PCDHA7: variants seen among roughly 807,000 people sequenced by gnomAD.
PCDHA7 encodes protocadherin alpha-7.
Under a neutral mutation model 57.2 loss-of-function variants are expected in PCDHA7, and 37 were observed. The ratio of observed to expected loss-of-function variants is 0.65; its 90% CI spans 0.50 to 0.85. PCDHA7 has a LOEUF of 0.85. Among genes scored for constraint, PCDHA7 ranks in the 40% least tolerant of loss-of-function variants. The probability of loss-of-function intolerance (pLI) is 0.00; values close to 1 mark genes in which losing one functional copy is unlikely to be tolerated. For missense variants in PCDHA7, 1,188 were observed against 1,241.8 expected (o/e 0.96, Z 0.65); for synonymous variants, 553 against 558.8 (o/e 0.99, Z 0.15).
intron 1 of PCDHA7, chr5:140,858,129 T>A (rs1258479453): frequency 6.3e-7 from 1 of 1,597,464 alleles, no homozygotes; most frequent in Non-Finnish European, 8.6e-7. Context: ...CTGGTGGATG[T>A]CAACGTGTAC....
intron 1 of PCDHA7, chr5:140,968,375 T>G: frequency 6.2e-7 from 1 of 1,614,098 alleles, no homozygotes; most frequent in Non-Finnish European, 8.5e-7. Context: ...TGTCAACTCC[T>G]TTGACTATGA....
intron 1 of PCDHA7, among the ~76,000 whole-genome samples, chr5:140,922,711 A>G (rs2080951866): frequency 6.6e-6 from 1 of 152,270 alleles, no homozygotes; most frequent in Non-Finnish European, 1.5e-5. Flanking sequence ...GTCAAGAACA[A>G]AAAGAAACAC....
chr5:140,850,555 C>T (rs1562471328), intron 1 of PCDHA7: 2 of 1,598,250 alleles, frequency 1.3e-6, no homozygotes, highest in South Asian at 1.1e-5. Context: ...GTGGGTGCCA[C>T]GGGCCCCGAG....
At chr5:140,963,424 G>A (rs898407658) in intron 1 of PCDHA7, among the ~76,000 whole-genome samples, 7 of 152,194 alleles carry the variant, frequency 4.6e-5, no homozygotes, top group Non-Finnish European at 1.0e-4. Flanking sequence ...GCATGTTTAG[G>A]AACTAACTTC....
At chr5:140,898,003 G>A (rs2066458535) in intron 1 of PCDHA7, among the ~76,000 whole-genome samples, 1 of 152,152 alleles carries the variant, frequency 6.6e-6, no homozygotes, top group Non-Finnish European at 1.5e-5. Context: ...AGAAGTGTCT[G>A]TTCATATCCT....
chr5:140,879,468 C>T (rs1302590030), intron 1 of PCDHA7, among the ~76,000 whole-genome samples: 2 of 152,006 alleles, frequency 1.3e-5, no homozygotes, highest in African/African-American at 4.8e-5. Context: ...AAGAGAATAC[C>T]GTTGTGATTG....
intron 1 of PCDHA7, among the ~76,000 whole-genome samples, chr5:140,977,234 A>G (rs2096751203): frequency 1.3e-5 from 2 of 152,242 alleles, no homozygotes; most frequent in Non-Finnish European, 2.9e-5. Flanking sequence ...CCAATCATAG[A>G]AAAATTGGCA....
At chr5:140,870,837 G>A (rs782610375) in intron 1 of PCDHA7, 9 of 1,613,702 alleles carry the variant, frequency 5.6e-6, no homozygotes, top group African/African-American at 1.3e-5. Flanking sequence ...CAGTTAACAA[G>A]CTAGTACCGC....
chr5:140,978,789 A>G (rs2153817382), intron 1 of PCDHA7, 160 bp from the exon 2 acceptor site: 22 of 974,564 alleles, frequency 2.3e-5, no homozygotes, highest in Non-Finnish European at 2.6e-5. Flanking sequence ...CTAAAGTGCT[A>G]TATATGTAGA....
chr5:140,927,245 A>G (rs1197319664), intron 1 of PCDHA7: 6 of 1,613,948 alleles, frequency 3.7e-6, no homozygotes, highest in South Asian at 2.2e-5. Flanking sequence ...CTGGACACCA[A>G]TGACAACTCA....
At chr5:140,882,114 C>T (rs1464753090) in intron 1 of PCDHA7, 25 of 1,406,582 alleles carry the variant, frequency 1.8e-5, no homozygotes, top group Non-Finnish European at 2.2e-5. Flanking sequence ...AAGAAAGCCG[C>T]CGTTTCTTTC....
intron 1 of PCDHA7, among the ~76,000 whole-genome samples, chr5:140,872,278 AAAGTT>A (rs2053578296): frequency 6.6e-6 from 1 of 152,138 alleles, no homozygotes; most frequent in Non-Finnish European, 1.5e-5. Context: ...TTTGAAGAAA[AAAGTT>A]AAGCCTTGCA....
intron 1 of PCDHA7, chr5:140,863,284 G>A (rs1554158061): frequency 1.4e-6 from 2 of 1,461,880 alleles, no homozygotes; most frequent in Non-Finnish European, 1.9e-6. Flanking sequence ...GGATGTCAAC[G>A]TGTACCTGAT....
At chr5:141,009,001 A>G (rs1373262105) in intron 3 of PCDHA7, among the ~76,000 whole-genome samples, 1 of 152,246 alleles carries the variant, frequency 6.6e-6, no homozygotes, top group East Asian at 1.9e-4. Flanking sequence ...TAAAAGGAGC[A>G]TATTTTGCCT....
chr5:140,882,605 C>T (rs1554174797), intron 1 of PCDHA7: 2 of 1,614,120 alleles, frequency 1.2e-6, no homozygotes, highest in Non-Finnish European at 1.7e-6. Context: ...CGTGGACAGG[C>T]CTCTGCAGGT....
At chr5:140,879,297 A>G (rs573154436) in intron 1 of PCDHA7, among the ~76,000 whole-genome samples, 1 of 152,346 alleles carries the variant, frequency 6.6e-6, no homozygotes, top group African/African-American at 2.4e-5. Flanking sequence ...TAAGAGAAAA[A>G]CAAAAGTAGA....
rs554327220 is a variant in PCDHA7 at position 140,980,560 on chromosome 5, G to T, written c.2414+1553G>T. Reference sequence around the variant, plus strand: ...CAGGAGAATCGCTTGAACCCGGGAGGCGGAAGTTGCAGTGAGCCAAGATCG... The same window carrying T: ...CAGGAGAATCGCTTGAACCCGGGAGTCGGAAGTTGCAGTGAGCCAAGATCG... On this transcript the variant is annotated intron_variant, in intron 2 of 3. Coordinates refer to ENST00000525929, the MANE Select transcript of PCDHA7 (RefSeq NM_018910.3). Among the ~76,000 whole-genome samples the T allele has an allele frequency of 1.6e-4, 25 of 152,244 alleles. No individual in the cohort carries two copies. The East Asian group carries it at 4.6e-3, about 28-fold the overall frequency.
intron 1 of PCDHA7, among the ~76,000 whole-genome samples, chr5:140,903,666 A>T (rs1554191076): frequency 6.6e-6 from 1 of 152,228 alleles, no homozygotes; most frequent in African/African-American, 2.4e-5. Flanking sequence ...AATTTAACTG[A>T]TATAAAAGAT....
intron 1 of PCDHA7, chr5:140,843,169 C>A: frequency 6.3e-7 from 1 of 1,596,092 alleles, no homozygotes; most frequent in South Asian, 1.1e-5. Context: ...CAGCTGCAAG[C>A]AGCCCTCGCA....
Sources: gnomAD v4.1 joint callset for allele counts (sites outside exome capture counted in the v4.1 genomes callset) on GRCh38, gnomAD v4.1.1 for gene constraint, MANE v1.5 for transcripts, NCBI Gene and HGNC (gene_info 2026-07-23, HGNC 2026-07-21) for gene names.